The following ANKS1B variants were observed in gnomAD, a reference collection of about 807,000 sequenced individuals.
ANKS1B encodes ankyrin repeat and sterile alpha motif domain containing 1B, also known as ankyrin repeat and sterile alpha motif domain-containing protein 1B.
A neutral mutation model predicts 148.3 loss-of-function variants in ANKS1B; 36 were observed. The ratio of observed to expected loss-of-function variants is 0.24; its 90% CI spans 0.19 to 0.32. ANKS1B has a LOEUF of 0.32. ANKS1B is among the 10% of genes least tolerant of loss of function. ANKS1B has a pLI of 1.00. For synonymous variants in ANKS1B, 542 were observed against 560.8 expected (o/e 0.97, Z 0.47); for missense variants, 1,157 against 1,542.6 (o/e 0.75, Z 4.19).
chr12:99,653,695 T>TTTTC (rs2098436561), intron 9 of ANKS1B, among the ~76,000 whole-genome samples: 1 of 143,470 alleles, frequency 7.0e-6, no homozygotes, highest in Non-Finnish European at 1.5e-5. Context: ...TTTTTTTTTT[T>TTTTC]TTGAGACAGA....
intron 12 of ANKS1B, among the ~76,000 whole-genome samples, chr12:99,284,234 C>T (rs2078832770): frequency 6.6e-6 from 1 of 152,138 alleles, no homozygotes; most frequent in Non-Finnish European, 1.5e-5. Flanking sequence ...TTCCCCACCC[C>T]AACCCAGTTG....
chr12:99,107,640 A>G (rs1429511716), intron 15 of ANKS1B, among the ~76,000 whole-genome samples: 1 of 152,238 alleles, frequency 6.6e-6, no homozygotes, highest in African/African-American at 2.4e-5. Context: ...TTAGCCTTGC[A>G]TCAAGACCGA....
At chr12:99,070,902 C>A (rs1001873515) in intron 16 of ANKS1B, among the ~76,000 whole-genome samples, 1 of 152,060 alleles carries the variant, frequency 6.6e-6, no homozygotes, top group African/African-American at 2.4e-5. Flanking sequence ...TTCCCTCACG[C>A]GATCCTCCTG....
chr12:98,768,451 A>T lies in ANKS1B; in HGVS notation c.3579+4591T>A, dbSNP rs1220232539. On this transcript the variant is annotated intron_variant, in intron 25 of 26. Transcript: ENST00000683438. Reference sequence around the variant, plus strand: ...TAAAAAAAAAAAAAAAAAAAAAAAAAAGGCCGGGCACGGTGGCTCATGCCT... The same window carrying T: ...TAAAAAAAAAAAAAAAAAAAAAAAATAGGCCGGGCACGGTGGCTCATGCCT... 2.7e-5 allele frequency among the ~76,000 whole-genome samples: 4 copies of T among 150,100 alleles called. No individual in the cohort carries two copies. The East Asian group carries it at 7.8e-4, about 29-fold the overall frequency.
chr12:99,728,083 C>CCCAA (rs2058784281), intron 8 of ANKS1B, among the ~76,000 whole-genome samples: 1 of 152,138 alleles, frequency 6.6e-6, no homozygotes, highest in Non-Finnish European at 1.5e-5. Flanking sequence ...GCAAAGACTT[C>CCCAA]ATGATGAAAA....
At chr12:99,622,154 G>A (rs2098060563) in intron 9 of ANKS1B, among the ~76,000 whole-genome samples, 1 of 151,796 alleles carries the variant, frequency 6.6e-6, no homozygotes, top group Non-Finnish European at 1.5e-5. Flanking sequence ...AATTACTTTT[G>A]GGTAAATAAC....
At chr12:99,875,286 A>C (rs1169099794) in intron 1 of ANKS1B, among the ~76,000 whole-genome samples, 1 of 152,174 alleles carries the variant, frequency 6.6e-6, no homozygotes, top group African/African-American at 2.4e-5. Flanking sequence ...ATTTAAAATA[A>C]ATTTTGCCAA....
chr12:98,758,672 C>A (rs956951967), intron 25 of ANKS1B, among the ~76,000 whole-genome samples: 3 of 152,142 alleles, frequency 2.0e-5, no homozygotes, highest in Non-Finnish European at 2.9e-5. Context: ...GAGTCCCAGT[C>A]CAATGGGGAA....
intron 12 of ANKS1B, among the ~76,000 whole-genome samples, chr12:99,340,263 G>T (rs919630420): frequency 3.3e-5 from 5 of 152,012 alleles, no homozygotes; most frequent in African/African-American, 7.2e-5. Flanking sequence ...ATTTTACAGA[G>T]AGCTGCTCTC....
In ANKS1B at chr12:98,786,113, A is replaced by G. The variant is rs555575883; in HGVS notation, c.3343-3976T>C. ...AAGGCTCCAAATTATTTTAATTTTTACAGCATCTTGGTCACCTGCAAAAAG... is the reference window on the plus strand; with the variant it reads ...AAGGCTCCAAATTATTTTAATTTTTGCAGCATCTTGGTCACCTGCAAAAAG... On this transcript the variant is annotated intron_variant, in intron 22 of 26. Transcript: ENST00000683438. 2.2e-4 allele frequency among the ~76,000 whole-genome samples: 34 copies of G among 152,342 alleles called. No individual in the cohort carries two copies. The South Asian group carries it at 6.0e-3, about 27-fold the overall frequency.
rs191109090 is a variant in ANKS1B at position 99,896,310 on chromosome 12, T to C, written c.135-70921A>G. Among the ~76,000 whole-genome samples, 150 of 151,358 alleles carry C rather than the reference T, an allele frequency of 9.9e-4. 8 individuals carry two copies. The highest frequency in any genetic ancestry group is 1.7e-3 in the Non-Finnish European group (115 of 67,522). ...TCCATGTACTTGAAGTTTCATTTCG[T>C]TTTGTTTTGTTTAGATCCTACAAAT... is the stretch of plus-strand genomic sequence containing the variant. On this transcript the variant is annotated intron_variant, in intron 1 of 26. Transcript: ENST00000683438.
At chr12:99,625,967 C>T (rs1447967982) in intron 9 of ANKS1B, among the ~76,000 whole-genome samples, 1 of 152,088 alleles carries the variant, frequency 6.6e-6, no homozygotes, top group Non-Finnish European at 1.5e-5. Context: ...GTCTGCCACA[C>T]ATCAGGCATC....
At position 99,541,263 on chromosome 12, in the gene ANKS1B, A is replaced by C. The variant is rs116520045; in HGVS notation, c.1273-36622T>G. On this transcript the variant is annotated intron_variant, in intron 9 of 26. Coordinates refer to ENST00000683438, the MANE Select transcript of ANKS1B (RefSeq NM_001352186.2). ...AACAAACAAAAAACACAAAAAAGGA[A>C]ACACTTTCAAATTCATTTTAGGAAT... Among the ~76,000 whole-genome samples the C allele has an allele frequency of 5.7e-3, 870 of 152,286 alleles. 6 individuals are homozygous for C. Among genetic ancestry groups the C allele is most frequent in the African/African-American group, 0.019 (787 of 41,554 alleles).
chr12:99,109,595 G>T (rs2059889319), intron 15 of ANKS1B, among the ~76,000 whole-genome samples: 1 of 151,948 alleles, frequency 6.6e-6, no homozygotes, highest in African/African-American at 2.4e-5. Flanking sequence ...TACTTCGCAG[G>T]GTTCAAAATA....
intron 9 of ANKS1B, among the ~76,000 whole-genome samples, chr12:99,559,948 A>G (rs192585182): frequency 1.4e-3 from 219 of 152,338 alleles, no homozygotes; most frequent in Non-Finnish European, 2.7e-3. Flanking sequence ...TAAGACCTAA[A>G]ATAATTGTAG....
At chr12:99,742,380 C>T (rs1181577028) in intron 8 of ANKS1B, among the ~76,000 whole-genome samples, 8 of 151,816 alleles carry the variant, frequency 5.3e-5, no homozygotes, top group Admixed American at 5.3e-4. Flanking sequence ...AGTATTCACA[C>T]ACAAAAAATA....
chr12:99,249,807 C>T (rs927181230), intron 12 of ANKS1B, among the ~76,000 whole-genome samples: 1 of 152,200 alleles, frequency 6.6e-6, no homozygotes, highest in Non-Finnish European at 1.5e-5. Flanking sequence ...GCAGAGACCT[C>T]TGAAAAGCAT....
rs183310483 is a variant in ANKS1B, at chr12:98,944,699, C to T, written c.2778+108458G>A. Among the ~76,000 whole-genome samples the T allele has an allele frequency of 2.0e-5, 3 of 152,272 alleles. No homozygotes were observed. The East Asian group carries it at 5.8e-4, about 29-fold the overall frequency. Reference sequence around the variant, plus strand: ...AAAAAAAGAAAAATATCCTAAGATGCAAACACTCAAACCATGGAATGAAAT... The same window carrying T: ...AAAAAAAGAAAAATATCCTAAGATGTAAACACTCAAACCATGGAATGAAAT... On this transcript the variant is annotated intron_variant, in intron 17 of 26. Coordinates refer to ENST00000683438, the MANE Select transcript of ANKS1B (RefSeq NM_001352186.2).
intron 15 of ANKS1B, among the ~76,000 whole-genome samples, chr12:99,140,495 C>T (rs140638760): frequency 2.0e-5 from 3 of 152,290 alleles, no homozygotes; most frequent in Non-Finnish European, 4.4e-5. Flanking sequence ...GTAATTCTAA[C>T]ATTGTTTGCC....
Sources: gnomAD v4.1 joint callset for allele counts (sites outside exome capture counted in the v4.1 genomes callset) on GRCh38, gnomAD v4.1.1 for gene constraint, MANE v1.5 for transcripts, NCBI Gene and HGNC (gene_info 2026-07-23, HGNC 2026-07-21) for gene names.